The following CAST variants were observed in gnomAD, a reference collection of about 807,000 sequenced individuals.
The protein encoded by CAST is calpastatin, also known as MIR583 host.
A neutral mutation model predicts 119.6 loss-of-function variants in CAST; 76 were observed. The observed-to-expected ratio is 0.64, with a 90% confidence interval of 0.53 to 0.77. The LOEUF (loss-of-function observed/expected upper bound fraction) is 0.77. Among genes scored for constraint, CAST ranks in the 30% least tolerant of loss-of-function variants. The pLI is 0.00. For missense variants in CAST, 953 were observed against 946.5 expected, an observed-to-expected ratio of 1.01 and a Z score of -0.09; for synonymous variants, 319 against 331.6, an observed-to-expected ratio of 0.96 and a Z score of 0.41.
At chr5:96,437,554 T>C in the CAST span, among the ~76,000 whole-genome samples, 1 of 152,214 alleles carries the variant, frequency 6.6e-6, no homozygotes, top group Non-Finnish European at 1.5e-5. Flanking sequence ...TATGTCTTTC[T>C]ATGAGAATTA....
intron 1 of CAST, among the ~76,000 whole-genome samples, chr5:96,668,177 T>C (rs1027285344): frequency 1.3e-5 from 2 of 151,274 alleles, no homozygotes; most frequent in Non-Finnish European, 2.9e-5. Context: ...CACACACCCT[T>C]TCAACATGTT....
chr5:96,216,076 G>A, the CAST span, among the ~76,000 whole-genome samples: 1 of 152,114 alleles, frequency 6.6e-6, no homozygotes, highest in African/African-American at 2.4e-5. Context: ...CCAAAGTGCT[G>A]GAATTACAGG....
chr5:96,266,931 A>G, the CAST span, among the ~76,000 whole-genome samples: 1 of 152,218 alleles, frequency 6.6e-6, no homozygotes, highest in Non-Finnish European at 1.5e-5. Flanking sequence ...TAAGGCAGAA[A>G]ATCAATTCAG....
intron 1 of CAST, among the ~76,000 whole-genome samples, chr5:96,552,973 C>T (rs185221382): frequency 6.6e-6 from 1 of 152,250 alleles, no homozygotes; most frequent in Admixed American, 6.5e-5. Context: ...CTGAATTCTA[C>T]CAGAGGTACA....
the CAST span, among the ~76,000 whole-genome samples, chr5:96,246,626 T>C: frequency 6.6e-6 from 1 of 152,214 alleles, no homozygotes; most frequent in Non-Finnish European, 1.5e-5. Context: ...TACCAATGTG[T>C]TCTTGAAGAG....
At chr5:96,115,202 G>A in the CAST span, among the ~76,000 whole-genome samples, 14 of 152,258 alleles carry the variant, frequency 9.2e-5, no homozygotes, top group Non-Finnish European at 1.6e-4. Flanking sequence ...CTATGAAGTT[G>A]CTCACACATC....
At chr5:96,394,934 C>T in the CAST span, 26 of 1,613,972 alleles carry the variant, frequency 1.6e-5, no homozygotes, top group Non-Finnish European at 1.9e-5. Flanking sequence ...CGTGTACACA[C>T]GAGGCTGCTT....
chr5:96,099,753 T>C, the CAST span, among the ~76,000 whole-genome samples: 100,016 of 152,066 alleles, frequency 0.66, 33,347 homozygotes, highest in African/African-American at 0.74. Flanking sequence ...ATTTTTGCAT[T>C]GATGTTCATC....
the CAST span, among the ~76,000 whole-genome samples, chr5:96,237,035 G>A: frequency 6.6e-6 from 1 of 152,164 alleles, no homozygotes; most frequent in African/African-American, 2.4e-5. Flanking sequence ...CTAAAGTTGT[G>A]TCAGCATTTC....
At chr5:96,720,895 C>A (rs1311591825) in intron 3 of CAST, among the ~76,000 whole-genome samples, 1 of 152,056 alleles carries the variant, frequency 6.6e-6, no homozygotes, top group Non-Finnish European at 1.5e-5. Flanking sequence ...GTTGGTGTTG[C>A]ATGGTTGAGG....
the CAST span, among the ~76,000 whole-genome samples, chr5:96,481,057 G>C: frequency 2.6e-5 from 4 of 152,002 alleles, no homozygotes; most frequent in African/African-American, 9.7e-5. Flanking sequence ...CTCTTCTCAG[G>C]AGACAGGCTT....
At chr5:96,747,212 A>G in intron 17 of CAST, 133 bp from the exon 18 acceptor site, 1 of 641,154 alleles carries the variant, frequency 1.6e-6, no homozygotes, top group Non-Finnish European at 2.8e-6. Flanking sequence ...TAAATCTGAA[A>G]CACAAACTCA....
chr5:96,626,637 G>C (rs1747729092), intron 1 of CAST, among the ~76,000 whole-genome samples: 1 of 152,200 alleles, frequency 6.6e-6, no homozygotes, highest in African/African-American at 2.4e-5. Context: ...CCCTGCCAGG[G>C]AGAGTCTCCC....
chr5:96,291,298 A>G, the CAST span, among the ~76,000 whole-genome samples: 1 of 152,238 alleles, frequency 6.6e-6, no homozygotes, highest in African/African-American at 2.4e-5. Context: ...GCAGCTGTAG[A>G]TAGCTAATAC....
At chr5:95,980,771 G>A in the CAST span, among the ~76,000 whole-genome samples, 1 of 152,256 alleles carries the variant, frequency 6.6e-6, no homozygotes, top group South Asian at 2.1e-4. Context: ...AGGTGGCAGA[G>A]AAGGCATGTC....
the CAST span, among the ~76,000 whole-genome samples, chr5:96,236,138 T>C: frequency 6.0e-5 from 9 of 151,054 alleles, no homozygotes; most frequent in African/African-American, 7.3e-5. Context: ...TCTATCTATC[T>C]ATCCATCCAT....
At chr5:96,021,647 T>C in the CAST span, among the ~76,000 whole-genome samples, 413 of 152,162 alleles carry the variant, frequency 2.7e-3, no homozygotes, top group African/African-American at 7.1e-3. Flanking sequence ...GGGGTTTCAC[T>C]GTGTTAGCCA....
the CAST span, among the ~76,000 whole-genome samples, chr5:96,221,257 T>C: frequency 1.3e-5 from 2 of 152,064 alleles, no homozygotes; most frequent in African/African-American, 4.8e-5. Context: ...ATACTGGAAG[T>C]CCTAGCCAGA....
At chr5:96,503,925 G>T in the CAST span, among the ~76,000 whole-genome samples, 1 of 152,150 alleles carries the variant, frequency 6.6e-6, no homozygotes, top group Non-Finnish European at 1.5e-5. Flanking sequence ...AGAAGAAAAT[G>T]GAAAAAGAAA....
Sources: allele counts gnomAD v4.1 joint callset (sites outside exome capture counted in the v4.1 genomes callset), GRCh38; gene constraint gnomAD v4.1.1; transcripts MANE v1.5; gene names NCBI Gene and HGNC (gene_info 2026-07-23, HGNC 2026-07-21).